The following PTPRN2 variants were observed in gnomAD, a reference collection of about 807,000 sequenced individuals.
PTPRN2 encodes the protein protein tyrosine phosphatase receptor type N2, also known as receptor-type tyrosine-protein phosphatase N2.
PTPRN2 carries 74 observed loss-of-function variants against 118.8 expected under a neutral mutation model. The observed-to-expected ratio is 0.62, with a 90% CI of 0.52 to 0.76. The LOEUF (loss-of-function observed/expected upper bound fraction) is 0.76. PTPRN2 is among the 30% of genes least tolerant of loss of function. The probability of loss-of-function intolerance (pLI) is 0.00; values close to 1 mark genes in which losing one functional copy is unlikely to be tolerated. For missense variants in PTPRN2, 1,481 were observed against 1,394.4 expected (o/e 1.06, Z -0.99); for synonymous variants, 641 against 608.0 (o/e 1.05, Z -0.80).
rs1804744492 is a variant in PTPRN2 at position 157,794,511 on chromosome 7, C to T, written c.1788+104162G>A. On this transcript the variant is annotated intron_variant, in intron 12 of 22. Transcript: ENST00000389418. The surrounding 1 kb of genome is among the most constrained non-coding windows in gnomAD (Gnocchi z 5.2). ...ATAAGTATGAAAATAGGCTCTCCCT[C>T]TCTGAGTCAAAGGAGGCAATTATAC... is the stretch of plus-strand genomic sequence containing the variant. Among the ~76,000 whole-genome samples, 1 of 152,242 alleles carries T rather than the reference C, an allele frequency of 6.6e-6. No individual in the cohort carries two copies. The highest frequency in any genetic ancestry group is 1.5e-5 in the Non-Finnish European group (1 of 68,042).
chr7:157,841,796 G>T (rs541607657), intron 12 of PTPRN2, among the ~76,000 whole-genome samples: 1 of 152,150 alleles, frequency 6.6e-6, no homozygotes, highest in African/African-American at 2.4e-5. Flanking sequence ...TGCAGCGTTC[G>T]GGGTGCTGGG....
At chr7:158,328,398 G>A (rs1391770797) in intron 2 of PTPRN2, among the ~76,000 whole-genome samples, 1 of 152,202 alleles carries the variant, frequency 6.6e-6, no homozygotes, top group Non-Finnish European at 1.5e-5. Flanking sequence ...CTATATCGCT[G>A]GAAATTCCTT....
At chr7:158,327,365 TCA>T (rs1445346024) in intron 2 of PTPRN2, among the ~76,000 whole-genome samples, 8 of 125,128 alleles carry the variant, frequency 6.4e-5, no homozygotes, top group Admixed American at 4.9e-4. Context: ...GTACACATTG[TCA>T]CACACACATT....
chr7:157,788,312 T>C (rs776185363), intron 12 of PTPRN2, among the ~76,000 whole-genome samples: 1 of 147,340 alleles, frequency 6.8e-6, no homozygotes, highest in Non-Finnish European at 1.5e-5. Flanking sequence ...GAGGCGGAGG[T>C]TGCAGTGAGC....
chr7:158,387,514 GA>G (rs1811506367), intron 2 of PTPRN2, among the ~76,000 whole-genome samples: 3 of 4,122 alleles, frequency 7.3e-4, no homozygotes, highest in Admixed American at 3.7e-3. Context: ...TACGATGTTG[GA>G]AAGCACTCTC....
At position 157,869,715 on chromosome 7, in the gene PTPRN2, C is replaced by G. The variant is rs146702784; in HGVS notation, c.1788+28958G>C. Among the ~76,000 whole-genome samples the G allele has an allele frequency of 7.5e-3, 1,137 of 152,314 alleles. 4 individuals carry two copies. Among genetic ancestry groups the G allele is most frequent in the Middle Eastern group, 0.014 (4 of 294 alleles). Reference sequence around the variant, plus strand: ...TCATGAGTTCTCATCGGAACTCTTGCTAAATTGCCCGTGTTTGATGAGAGG... The same window carrying G: ...TCATGAGTTCTCATCGGAACTCTTGGTAAATTGCCCGTGTTTGATGAGAGG... On this transcript the variant is annotated intron_variant, in intron 12 of 22. Coordinates refer to ENST00000389418, the MANE Select transcript of PTPRN2 (RefSeq NM_002847.5). The surrounding 1 kb of genome is among the most constrained non-coding windows in gnomAD (Gnocchi z 4.2).
intron 13 of PTPRN2, among the ~76,000 whole-genome samples, chr7:157,662,500 C>T (rs1319993504): frequency 6.6e-6 from 1 of 152,260 alleles, no homozygotes; most frequent in South Asian, 2.1e-4. Context: ...ACGTGTTGGG[C>T]GTTCGTGGGA....
At chr7:157,753,441 A>G (rs1328266089) in intron 12 of PTPRN2, among the ~76,000 whole-genome samples, 1 of 152,098 alleles carries the variant, frequency 6.6e-6, no homozygotes, top group African/African-American at 2.4e-5. Context: ...CCAGACACAA[A>G]GCCCATTACA....
chr7:158,146,217 G>C (rs761648461), intron 6 of PTPRN2, among the ~76,000 whole-genome samples: 4 of 152,028 alleles, frequency 2.6e-5, no homozygotes, highest in Middle Eastern at 3.2e-3. Flanking sequence ...CTTCCAACTT[G>C]CTCAAGATCT....
rs1414292699 is a variant in PTPRN2 at position 157,622,823 on chromosome 7, GA to G, written c.2197-1315del. ...CCATGGCCCTGCTTGAGCTAGTTGG[GA>G]AAAGCAGAGGGACTCCAGTGCCGTT... On this transcript the variant is annotated intron_variant, in intron 14 of 22. Transcript: ENST00000389418. The surrounding 1 kb of genome is among the most constrained non-coding windows in gnomAD (Gnocchi z 5.3). Among the ~76,000 whole-genome samples the G allele has an allele frequency of 6.6e-6, 1 of 152,172 alleles. No individual in the cohort carries two copies. Among genetic ancestry groups the G allele is most frequent in the Admixed American group, 6.5e-5 (1 of 15,290 alleles).
At chr7:157,651,118 C>T (rs920082999) in intron 14 of PTPRN2, among the ~76,000 whole-genome samples, 22 of 152,216 alleles carry the variant, frequency 1.4e-4, no homozygotes, top group African/African-American at 4.6e-4. Flanking sequence ...GCGGAAGGTG[C>T]GGCGCGACTC....
At chr7:158,282,809 C>T (rs1446392387) in intron 3 of PTPRN2, among the ~76,000 whole-genome samples, 2 of 150,740 alleles carry the variant, frequency 1.3e-5, no homozygotes, top group Admixed American at 6.6e-5. Flanking sequence ...GATCCCTCCT[C>T]GTGCTCCCAC....
At chr7:157,814,808 C>T (rs1806288759) in intron 12 of PTPRN2, among the ~76,000 whole-genome samples, 1 of 152,174 alleles carries the variant, frequency 6.6e-6, no homozygotes, top group Non-Finnish European at 1.5e-5. Flanking sequence ...TTTGAATTGG[C>T]TTCTTGTCAC....
intron 3 of PTPRN2, among the ~76,000 whole-genome samples, chr7:158,278,395 C>T (rs1586103912): frequency 1.4e-5 from 2 of 147,428 alleles, no homozygotes; most frequent in South Asian, 4.2e-4. Flanking sequence ...CACCTGTAAT[C>T]CCAGCTACGC....
At chr7:157,946,149 G>A (rs575029744) in intron 11 of PTPRN2, among the ~76,000 whole-genome samples, 107 of 152,286 alleles carry the variant, frequency 7.0e-4, no homozygotes, top group Middle Eastern at 3.4e-3. Context: ...TGGTGAGGCA[G>A]GATAATACGG....
At chr7:158,300,119 CAG>C (rs1800779682) in intron 3 of PTPRN2, among the ~76,000 whole-genome samples, 2 of 152,296 alleles carry the variant, frequency 1.3e-5, no homozygotes, top group African/African-American at 4.8e-5. Flanking sequence ...CTTTGAACCA[CAG>C]AGAATGCCTC....
chr7:157,660,189 C>T (rs1283015508), intron 13 of PTPRN2, among the ~76,000 whole-genome samples: 2 of 152,168 alleles, frequency 1.3e-5, no homozygotes, highest in African/African-American at 2.4e-5. Flanking sequence ...AGAACAGCTA[C>T]AGCTCAGGGA....
In PTPRN2 at chr7:157,953,012, C is replaced by T. The variant is rs1181419696; in HGVS notation, c.1724-54275G>A. On this transcript the variant is annotated intron_variant, in intron 11 of 22. Transcript: ENST00000389418. The surrounding 1 kb of genome is among the most constrained non-coding windows in gnomAD (Gnocchi z 4.6). The stretch of plus-strand genomic sequence containing the variant: ...GCCCACAGGGTGAGCTATCCAGTTC[C>T]AGGAGCCACCTGACCACAGGGTGAG... Among the ~76,000 whole-genome samples the T allele has an allele frequency of 6.6e-6, 1 of 152,042 alleles. No homozygotes were observed. The highest frequency in any genetic ancestry group is 1.5e-5 in the Non-Finnish European group (1 of 68,002).
chr7:158,252,901 G>A (rs1414627141), intron 3 of PTPRN2, among the ~76,000 whole-genome samples: 2 of 151,970 alleles, frequency 1.3e-5, no homozygotes, highest in Non-Finnish European at 2.9e-5. Flanking sequence ...ACAAAGCAGA[G>A]CCTGGTTTCT....
Sources: gnomAD v4.1 joint callset for allele counts (sites outside exome capture counted in the v4.1 genomes callset) on GRCh38, gnomAD v4.1.1 for gene constraint, Gnocchi (gnomAD v3.1) non-coding constraint, MANE v1.5 for transcripts, NCBI Gene and HGNC (gene_info 2026-07-23, HGNC 2026-07-21) for gene names.